The following DHX16 variants were observed in gnomAD, a reference collection of about 807,000 sequenced individuals.
DHX16 encodes pre-mRNA-splicing factor ATP-dependent RNA helicase DHX16.
In DHX16, 81 loss-of-function variants were observed where a neutral mutation model predicts 131.2. The ratio of observed to expected loss-of-function variants is 0.62; its 90% CI spans 0.52 to 0.74. The LOEUF is 0.74. Ranked by LOEUF, DHX16 falls within the 30% of genes least tolerant of loss-of-function variation. The pLI, the probability that DHX16 is intolerant of heterozygous loss-of-function variation, is 0.00. For synonymous variants in DHX16, 440 were observed against 520.2 expected (o/e 0.85, Z 2.10); for missense variants, 980 against 1,363.1 (o/e 0.72, Z 4.43).
intron 4 of DHX16, among the ~76,000 whole-genome samples, chr6:30,666,788 A>C (rs1264424792): frequency 6.6e-6 from 1 of 152,098 alleles, no homozygotes; most frequent in African/African-American, 2.4e-5. Flanking sequence ...AGCCTGAGCA[A>C]CAAGAACAAA....
rs774288934 is a variant in DHX16, at chr6:30,670,882, G to A, written c.517C>T (p.Gln173Ter). Residue 173 changes from glutamine to a stop codon, truncating the protein, a stop_gained, in exon 3 of 20, where the codon CAG becomes TAG. Transcript: ENST00000376442. LOFTEE classifies it high-confidence loss of function. This position sits in a 1 kb window ranked among gnomAD's most constrained non-coding sequence, Gnocchi z 4.4. ...AAGGCATCACGCTCCTCCAGGTCCT[G>A]AAGGCGTTCACGCTCTGTCCGTTCC... Reference protein sequence around the residue: ...EWERTERERLQDLEERDAFAE... With the variant: ...EWERTERERL The A allele has an allele frequency of 1.1e-5, 18 of 1,612,926 alleles. No homozygotes were observed. The highest frequency in any genetic ancestry group is 3.3e-5 in the Admixed American group (2 of 60,002).
intron 4 of DHX16, among the ~76,000 whole-genome samples, chr6:30,666,742 A>T (rs921405441): frequency 4.6e-5 from 7 of 151,966 alleles, no homozygotes; most frequent in African/African-American, 1.7e-4. Flanking sequence ...CGGGAGACGG[A>T]GGTTGCAGTG....
chr6:30,659,478 T>A lies in DHX16; in HGVS notation c.2001A>T (p.Ala667=), dbSNP rs1429124209. ...ARIFQPTPPG[A]RKVVVATNIA... is the part of the protein sequence containing the mutation. ...GTGGGTTTCTCCAACTGACCTTTCG[T>A]GCCCCAGGTGGTGTGGGCTGGAAGA... The change falls in exon 12 of 20, where the codon GCA becomes GCT. Residue 667 remains alanine, a synonymous_variant. Transcript: ENST00000376442. The A allele has an allele frequency of 6.3e-7, 1 of 1,591,532 alleles. No homozygotes were observed. Among genetic ancestry groups the A allele is most frequent in the East Asian group, 2.3e-5 (1 of 44,002 alleles).
At position 30,656,689 on chromosome 6, in the gene DHX16, G is replaced by A; in HGVS notation, c.2219C>T (p.Ala740Val). ...CTCAAGCTCGTGCTGATAGGCCCAG[G>A]CGGTATACAGGCGGAAGCACTTCCC... ...AAGKCFRLYT[A>V]WAYQHELEET... Residue 740 changes from alanine to valine, a missense_variant, in exon 14 of 20, where the codon GCC (alanine) becomes GTC (valine). Ala to Val is a moderately conservative substitution (Grantham distance 64, BLOSUM62 0). Transcript: ENST00000376442. The surrounding 1 kb of genome is among the most constrained non-coding windows in gnomAD (Gnocchi z 5.1). 5.0e-6 allele frequency: 8 copies of A among 1,613,798 alleles called. No homozygotes were observed. The highest frequency in any genetic ancestry group is 6.8e-6 in the Non-Finnish European group (8 of 1,180,022).
intron 10 of DHX16, 68 bp from the exon 11 acceptor site, chr6:30,659,902 A>C (rs983854841): frequency 1.3e-6 from 2 of 1,561,848 alleles, no homozygotes; most frequent in Non-Finnish European, 1.8e-6. Context: ...CTCTCCTCCC[A>C]ATTCAACATA....
At chr6:30,655,371 T>G (rs769694178) in intron 17 of DHX16, 35 bp from the exon 18 acceptor site, 1 of 1,613,664 alleles carries the variant, frequency 6.2e-7, no homozygotes, top group South Asian at 1.1e-5. Context: ...GAGAGATAAT[T>G]AAGTATACAG....
intron 4 of DHX16, among the ~76,000 whole-genome samples, chr6:30,669,744 T>TAAAAAAAAAAAAAAAAAAAA (rs953317689): frequency 8.8e-6 from 1 of 113,822 alleles, no homozygotes; most frequent in African/African-American, 3.4e-5. Context: ...AAAAAAGGTT[T>TAAAAAAAAAAAAAAAAAAAA]AAAAAAAAAA....
intron 12 of DHX16, among the ~76,000 whole-genome samples, chr6:30,657,958 A>G (rs988914942): frequency 2.0e-5 from 3 of 152,234 alleles, no homozygotes; most frequent in African/African-American, 7.2e-5. Flanking sequence ...CCGATAGACC[A>G]CAAGTGCAAG....
chr6:30,656,261 C>G lies in DHX16; in HGVS notation c.2435G>C (p.Gly812Ala), dbSNP rs1767970152. The G allele has an allele frequency of 6.2e-7, 1 of 1,613,812 alleles. No homozygotes were observed. The highest frequency in any genetic ancestry group is 2.2e-5 in the East Asian group (1 of 44,876). The part of the protein sequence containing the change: ...LNHLGELTTS[G>A]RKMAELPVDP... ...CACCGGCAGCTCTGCCATCTTTCGACCAGACTAAGGAGAAGAGAGAGAGAG... is the reference window on the plus strand; with the variant it reads ...CACCGGCAGCTCTGCCATCTTTCGAGCAGACTAAGGAGAAGAGAGAGAGAG... The change falls in exon 16 of 20, where the codon GGT becomes GCT. Residue 812 changes from glycine (G) to alanine (A), a missense_variant. Coordinates refer to ENST00000376442, the MANE Select transcript of DHX16 (RefSeq NM_003587.5). The surrounding 1 kb of genome is among the most constrained non-coding windows in gnomAD (Gnocchi z 5.1).
At chr6:30,657,906 G>A (rs1440189475) in intron 12 of DHX16, among the ~76,000 whole-genome samples, 1 of 152,026 alleles carries the variant, frequency 6.6e-6, no homozygotes. Flanking sequence ...TCATAGCACT[G>A]GCCACAAATT....
chr6:30,657,211 T>C, intron 12 of DHX16, 119 bp from the exon 13 acceptor site: 3 of 1,040,608 alleles, frequency 2.9e-6, no homozygotes, highest in Non-Finnish European at 4.1e-6. Flanking sequence ...GCTGAGGGAA[T>C]TAGTAGTATC....
At chr6:30,658,433 A>G (rs943722933) in intron 12 of DHX16, among the ~76,000 whole-genome samples, 1 of 151,946 alleles carries the variant, frequency 6.6e-6, no homozygotes, top group Non-Finnish European at 1.5e-5. Flanking sequence ...AATCCCAGCT[A>G]CTGGGGGGCT....
At chr6:30,660,483 G>A (rs1002239789) in intron 9 of DHX16, 3 of 415,332 alleles carry the variant, frequency 7.2e-6, no homozygotes, top group African/African-American at 6.1e-5. Flanking sequence ...GAGACAAGAT[G>A]TAGAGGCTGC....
Position 30,655,530 on chromosome 6 carries a change from G to A in DHX16, c.2566C>T (p.Arg856Ter), listed in dbSNP as rs891765304. 2.0e-5 allele frequency: 32 copies of A among 1,612,950 alleles called. No individual in the cohort carries two copies. The highest frequency in any genetic ancestry group is 3.3e-5 in the South Asian group (3 of 91,094). Residue 856 changes from arginine to a stop codon, truncating the protein, a stop_gained, in exon 17 of 20, where the codon CGA becomes TGA. Coordinates refer to ENST00000376442, the MANE Select transcript of DHX16 (RefSeq NM_003587.5). LOFTEE classifies it high-confidence loss of function. ...MLSVNNSIFY[R>*]PKDKVVHADN... ...GCATGGACGACCTTGTCCTTTGGTC[G>A]GTAGAAGATGGAGTTGTTGACAGAG...
At chr6:30,654,976 G>C in intron 18 of DHX16, 97 bp from the exon 19 acceptor site, 2 of 1,439,108 alleles carry the variant, frequency 1.4e-6, no homozygotes, top group Non-Finnish European at 1.9e-6. Context: ...AGGAAAACTA[G>C]AGAGGTAAGG....
intron 4 of DHX16, among the ~76,000 whole-genome samples, chr6:30,666,244 G>A (rs977055077): frequency 1.3e-5 from 2 of 152,166 alleles, no homozygotes; most frequent in Non-Finnish European, 2.9e-5. Flanking sequence ...GAGAAAAACT[G>A]ATTATAAAAA....
In DHX16 at chr6:30,672,977, C is replaced by T. The variant is rs1342768051; in HGVS notation, c.-136G>A. ...CTACCTTGGGACCTCTAGGATCTTC[C>T]GACATCCCAAAGCTGTCTTCCCGTA... On this transcript the variant is annotated 5_prime_UTR_variant, in exon 1 of 20. Coordinates refer to ENST00000376442, the MANE Select transcript of DHX16 (RefSeq NM_003587.5). 2.6e-6 allele frequency: 4 copies of T among 1,551,616 alleles called. No homozygotes were observed. The highest frequency in any genetic ancestry group is 3.5e-6 in the Non-Finnish European group (4 of 1,147,094).
rs750606024 is a variant in DHX16, at chr6:30,653,356, C to T, written c.3012G>A (p.Glu1004=). Reference sequence around the variant, plus strand: ...GAGCCACCTCCAGAAGCCAACTGCTCTCAATCTCCAGTACCTAGGAGAGAG... The same window carrying T: ...GAGCCACCTCCAGAAGCCAACTGCTTTCAATCTCCAGTACCTAGGAGAGAG... ...KEFMRQVLEI[E]SSWLLEVAPH... is the part of the protein sequence containing the mutation. The change falls in exon 20 of 20, where the codon GAG becomes GAA. Residue 1004 remains glutamate, a synonymous_variant. Transcript: ENST00000376442. The T allele has an allele frequency of 1.1e-5, 17 of 1,612,600 alleles. No individual in the cohort carries two copies. The highest frequency in any genetic ancestry group is 1.4e-5 in the Non-Finnish European group (16 of 1,179,916).
rs1200431014 is a variant in DHX16 at position 30,659,593 on chromosome 6, T to G, written c.1886A>C (p.Gln629Pro). The change falls in exon 12 of 20, where the codon CAG (glutamine) becomes CCG (proline). Residue 629 changes from glutamine (Q) to proline (P), a missense_variant. By Grantham distance (76) the Gln-to-Pro change is moderately conservative (BLOSUM62 -1). This residue lies in a region of DHX16 where 309 missense variants were observed against 537.1 expected (regional missense o/e 0.58). Transcript: ENST00000376442. ...EEIEAACEML[Q>P]DRCRRLGSKI... is the part of the protein sequence containing the mutation. ...GGAGCCCAGGCGGCGGCAGCGATCC[T>G]GGAGCATCTCACAGGCAGCCTCAAT... 6.2e-7 allele frequency: 1 copy of G among 1,613,676 alleles called. No homozygotes were observed. The highest frequency in any genetic ancestry group is 8.5e-7 in the Non-Finnish European group (1 of 1,180,018).
Sources: allele counts gnomAD v4.1 joint callset (sites outside exome capture counted in the v4.1 genomes callset), GRCh38; gene constraint gnomAD v4.1.1; regional missense constraint gnomAD v4.1.1; non-coding constraint Gnocchi (gnomAD v3.1); transcripts MANE v1.5; gene names NCBI Gene and HGNC (gene_info 2026-07-23, HGNC 2026-07-21).